The following DGKB variants were observed in gnomAD, a reference collection of about 807,000 sequenced individuals.
DGKB encodes the protein 90 kDa diacylglycerol kinase.
In DGKB, 67 loss-of-function variants were observed where a neutral mutation model predicts 114.3. The ratio of observed to expected loss-of-function variants is 0.59; its 90% CI spans 0.48 to 0.72. The LOEUF is 0.72. Among genes scored for constraint, DGKB ranks in the 30% least tolerant of loss-of-function variants. The pLI is 0.00. For missense variants in DGKB, 907 were observed against 975.2 expected (o/e 0.93, Z 0.93); for synonymous variants, 398 against 323.1 (o/e 1.23, Z -2.49).
chr7:14,291,066 C>A (rs2128471955), intron 23 of DGKB, among the ~76,000 whole-genome samples: 1 of 135,870 alleles, frequency 7.4e-6, no homozygotes, highest in Admixed American at 8.6e-5. Context: ...CACTTGATCC[C>A]AAGAGGCAGA....
At chr7:14,709,944 T>C (rs189311628) in intron 6 of DGKB, among the ~76,000 whole-genome samples, 3,482 of 146,332 alleles carry the variant, frequency 0.024, 140 homozygotes, top group African/African-American at 0.084. Flanking sequence ...TGTGCACATG[T>C]ACCCTAAAAC....
intron 25 of DGKB, among the ~76,000 whole-genome samples, chr7:14,155,736 C>T (rs558523413): frequency 6.6e-6 from 1 of 152,130 alleles, no homozygotes; most frequent in African/African-American, 2.4e-5. Context: ...GATTTTACTG[C>T]AATTTCCATG....
chr7:14,241,207 A>G (rs1407895701), intron 23 of DGKB, among the ~76,000 whole-genome samples: 1 of 152,174 alleles, frequency 6.6e-6, no homozygotes, highest in Non-Finnish European at 1.5e-5. Context: ...TATAATATAT[A>G]CTGTATATAA....
chr7:14,155,759 G>A (rs879464054), intron 25 of DGKB, among the ~76,000 whole-genome samples: 2 of 152,066 alleles, frequency 1.3e-5, no homozygotes, highest in Non-Finnish European at 2.9e-5. Flanking sequence ...TGTGGTCTTC[G>A]TAATGTGTGT....
chr7:14,668,373 G>C lies in DGKB; in HGVS notation c.1134+4556C>G, dbSNP rs371921164. ...GGGGTGTGAAGGTTTCAGTAGCTGAGATACAACAGATAAAATCTCTCTATT... is the reference window on the plus strand; with the variant it reads ...GGGGTGTGAAGGTTTCAGTAGCTGACATACAACAGATAAAATCTCTCTATT... On this transcript the variant is annotated intron_variant, in intron 13 of 25. Coordinates refer to ENST00000402815, the MANE Select transcript of DGKB (RefSeq NM_001350709.2). Among the ~76,000 whole-genome samples the C allele has an allele frequency of 5.3e-5, 8 of 152,178 alleles. No homozygotes were observed. In the East Asian group the frequency reaches 1.6e-3, roughly 30 times the overall value.
chr7:14,454,226 ATAC>A (rs1831949542), intron 21 of DGKB, among the ~76,000 whole-genome samples: 1 of 152,120 alleles, frequency 6.6e-6, no homozygotes, highest in Non-Finnish European at 1.5e-5. Flanking sequence ...GTAGTATTGA[ATAC>A]TACAACTTAT....
chr7:14,225,779 C>T (rs1168671137), intron 23 of DGKB, among the ~76,000 whole-genome samples: 2 of 151,862 alleles, frequency 1.3e-5, no homozygotes, highest in African/African-American at 4.8e-5. Flanking sequence ...TCTACTTTGT[C>T]TACCACACAA....
intron 20 of DGKB, among the ~76,000 whole-genome samples, chr7:14,564,101 C>G (rs1797055128): frequency 1.3e-5 from 2 of 152,198 alleles, no homozygotes; most frequent in East Asian, 3.9e-4. Flanking sequence ...CAGGCAGAAG[C>G]TGAGAGCTGA....
intron 23 of DGKB, among the ~76,000 whole-genome samples, chr7:14,281,018 T>C (rs966871836): frequency 2.7e-5 from 4 of 150,112 alleles, no homozygotes; most frequent in Non-Finnish European, 4.4e-5. Flanking sequence ...CACTATTAAC[T>C]TTAAATGTAA....
chr7:14,295,804 C>A (rs943818903), intron 23 of DGKB, among the ~76,000 whole-genome samples: 1 of 152,028 alleles, frequency 6.6e-6, no homozygotes, highest in Non-Finnish European at 1.5e-5. Flanking sequence ...TTGCTGCACC[C>A]ATTAACCCAT....
intron 20 of DGKB, among the ~76,000 whole-genome samples, chr7:14,566,479 G>A (rs191219386): frequency 1.2e-3 from 183 of 152,230 alleles, no homozygotes; most frequent in Middle Eastern, 6.8e-3. Context: ...ATTTAAAGTT[G>A]TTTGTGTCAT....
chr7:14,215,151 T>C (rs558333303), intron 23 of DGKB, among the ~76,000 whole-genome samples: 1 of 152,294 alleles, frequency 6.6e-6, no homozygotes, highest in African/African-American at 2.4e-5. Context: ...GCATGGACTC[T>C]TGCCTGGTGG....
chr7:14,949,745 A>T (rs1454718727), intron 1 of DGKB, among the ~76,000 whole-genome samples: 6 of 152,050 alleles, frequency 3.9e-5, no homozygotes, highest in Admixed American at 3.9e-4. Flanking sequence ...AATGTGGCAC[A>T]TATACACCAT....
At chr7:14,652,595 G>T (rs1463680871) in intron 13 of DGKB, among the ~76,000 whole-genome samples, 2 of 151,270 alleles carry the variant, frequency 1.3e-5, no homozygotes, top group African/African-American at 4.9e-5. Context: ...CATGGGCAAG[G>T]ACTTCCTGTC....
In DGKB at chr7:14,473,439, T is replaced by C. The variant is rs148136458; in HGVS notation, c.1835+4722A>G. Among the ~76,000 whole-genome samples the C allele has an allele frequency of 2.6e-3, 391 of 152,178 alleles. 1 individual carries two copies. Among genetic ancestry groups the C allele is most frequent in the Non-Finnish European group, 3.6e-3 (248 of 67,994 alleles). Reference sequence around the variant, plus strand: ...AAACGCCTGGATGCCCAGGAAGCAGTTTGCTGCAGGGGCAGGACTCTCACA... The same window carrying C: ...AAACGCCTGGATGCCCAGGAAGCAGCTTGCTGCAGGGGCAGGACTCTCACA... On this transcript the variant is annotated intron_variant, in intron 21 of 25. Transcript: ENST00000402815.
At chr7:14,536,676 C>T (rs1283200220) in intron 20 of DGKB, among the ~76,000 whole-genome samples, 1 of 152,120 alleles carries the variant, frequency 6.6e-6, no homozygotes, top group African/African-American at 2.4e-5. Flanking sequence ...GAAGCTGTCT[C>T]AACACAATAA....
intron 12 of DGKB, among the ~76,000 whole-genome samples, chr7:14,678,304 G>A (rs1232118265): frequency 2.0e-5 from 3 of 152,046 alleles, no homozygotes; most frequent in Non-Finnish European, 4.4e-5. Context: ...GAGCATTTGA[G>A]TTTTTCCTTT....
intron 21 of DGKB, among the ~76,000 whole-genome samples, chr7:14,424,409 T>C (rs535668034): frequency 6.6e-6 from 1 of 152,150 alleles, no homozygotes; most frequent in Admixed American, 6.6e-5. Context: ...TCATCTTTTT[T>C]TTTTAAGTCT....
chr7:14,275,025 C>G (rs1798801015), intron 23 of DGKB, among the ~76,000 whole-genome samples: 2 of 151,768 alleles, frequency 1.3e-5, no homozygotes, highest in South Asian at 4.2e-4. Context: ...ATGGCCTTCT[C>G]TGTTGTCCTA....
Sources: gnomAD v4.1 joint callset for allele counts (sites outside exome capture counted in the v4.1 genomes callset) on GRCh38, gnomAD v4.1.1 for gene constraint, MANE v1.5 for transcripts, NCBI Gene and HGNC (gene_info 2026-07-23, HGNC 2026-07-21) for gene names.